The following ADGRB3 variants were observed in gnomAD, a reference collection of about 807,000 sequenced individuals.
ADGRB3 encodes the protein brain-specific angiogenesis inhibitor 3.
ADGRB3 carries 37 observed loss-of-function variants against 193.4 expected under a neutral mutation model. That is an observed-to-expected ratio of 0.19 (90% CI 0.15 to 0.25). ADGRB3 has a LOEUF of 0.25. ADGRB3 is among the 10% of genes least tolerant of loss of function. ADGRB3 has a pLI of 1.00. For synonymous variants in ADGRB3, 690 were observed against 644.2 expected (o/e 1.07, Z -1.08); for missense variants, 1,637 against 1,852.9 (o/e 0.88, Z 2.14).
rs1410939505 is a variant in ADGRB3, at chr6:69,239,198, T to C, written c.2786T>C (p.Leu929Pro). ...LSIISSNILI[L>P]VGQTQTHNKS... ...ATCATCTCATCCAATATCCTCATAC[T>C]GGTTGGACAGACTCAGACACATAAT... Residue 929 changes from leucine (L) to proline (P), a missense_variant, in exon 20 of 32, where the codon CTG becomes CCG. Physicochemically the swap from Leu to Pro is moderately conservative, Grantham distance 98. This residue lies in a region of ADGRB3 where 87 missense variants were observed against 161.0 expected (regional missense o/e 0.54). Coordinates refer to ENST00000370598, the MANE Select transcript of ADGRB3 (RefSeq NM_001704.3). 2 of 1,591,220 alleles carry C rather than the reference T, an allele frequency of 1.3e-6. No individual in the cohort carries two copies. Among genetic ancestry groups the C allele is most frequent in the Admixed American group, 1.7e-5 (1 of 59,812 alleles).
At chr6:68,879,062 C>T (rs750874818) in intron 3 of ADGRB3, among the ~76,000 whole-genome samples, 1 of 152,102 alleles carries the variant, frequency 6.6e-6, no homozygotes, top group African/African-American at 2.4e-5. Context: ...GGTGGGGACA[C>T]AGAGCCAAAC....
chr6:69,286,801 TA>T (rs1487568284), intron 20 of ADGRB3, among the ~76,000 whole-genome samples: 3 of 151,974 alleles, frequency 2.0e-5, no homozygotes, highest in Admixed American at 1.3e-4. Flanking sequence ...TTCCAACTGC[TA>T]AAAAAAATAA....
At chr6:68,856,168 C>A (rs1176755613) in intron 3 of ADGRB3, among the ~76,000 whole-genome samples, 1 of 152,122 alleles carries the variant, frequency 6.6e-6, no homozygotes, top group African/African-American at 2.4e-5. Context: ...TCTCCATTAA[C>A]CCTCTTTCTT....
intron 3 of ADGRB3, among the ~76,000 whole-genome samples, chr6:68,808,046 T>G (rs1253286718): frequency 6.6e-6 from 1 of 152,212 alleles, no homozygotes; most frequent in Non-Finnish European, 1.5e-5. Context: ...TAAAATTAGT[T>G]CAATAGGAAT....
At chr6:69,019,984 G>T (rs535469560) in intron 13 of ADGRB3, among the ~76,000 whole-genome samples, 2 of 152,116 alleles carry the variant, frequency 1.3e-5, no homozygotes, top group South Asian at 4.1e-4. Flanking sequence ...ACAGCTATGA[G>T]TTTTAAGGCA....
intron 3 of ADGRB3, among the ~76,000 whole-genome samples, chr6:68,798,267 G>A (rs1767248220): frequency 6.6e-6 from 1 of 152,114 alleles, no homozygotes; most frequent in South Asian, 2.1e-4. Flanking sequence ...GTATTCATAA[G>A]CCTTCTATGT....
chr6:69,205,297 C>G (rs1765513719), intron 17 of ADGRB3, among the ~76,000 whole-genome samples: 1 of 152,060 alleles, frequency 6.6e-6, no homozygotes, highest in Non-Finnish European at 1.5e-5. Context: ...TTCAAAGCTA[C>G]TCTAAAGAAA....
intron 16 of ADGRB3, among the ~76,000 whole-genome samples, chr6:69,068,754 T>C (rs1464061661): frequency 6.6e-6 from 1 of 152,200 alleles, no homozygotes; most frequent in Non-Finnish European, 1.5e-5. Context: ...TAATGTGGGC[T>C]ACTAACTGTA....
At chr6:68,840,367 G>GTTTTTTTT (rs1768128495) in intron 3 of ADGRB3, among the ~76,000 whole-genome samples, 1 of 75,516 alleles carries the variant, frequency 1.3e-5, no homozygotes, top group African/African-American at 6.5e-5. Flanking sequence ...GCACTGGGCA[G>GTTTTTTTT]TCTTTTTTTT....
chr6:68,796,379 C>G lies in ADGRB3; in HGVS notation c.758-134180C>G, dbSNP rs74366327. Among the ~76,000 whole-genome samples, 112 of 152,188 alleles carry G rather than the reference C, an allele frequency of 7.4e-4. 1 individual carries two copies. The highest frequency in any genetic ancestry group is 1.4e-3 in the Admixed American group (21 of 15,270). On this transcript the variant is annotated intron_variant, in intron 3 of 31. Transcript: ENST00000370598. ...ATTATATGTCTAAACCCTCTTCTAC[C>G]TAACAATTTCTCCATTCTTTCTGAA...
At chr6:68,675,325 G>A (rs1769063517) in intron 3 of ADGRB3, among the ~76,000 whole-genome samples, 1 of 151,940 alleles carries the variant, frequency 6.6e-6, no homozygotes, top group Admixed American at 6.6e-5. Context: ...TTTAAATTCT[G>A]GCCCTAAAGC....
At chr6:68,801,414 G>A (rs1158779409) in intron 3 of ADGRB3, among the ~76,000 whole-genome samples, 1 of 152,070 alleles carries the variant, frequency 6.6e-6, no homozygotes, top group African/African-American at 2.4e-5. Context: ...CAGGCTGGGC[G>A]CAGTGGCTCA....
rs779398957 is a variant in ADGRB3, at chr6:68,774,855, C to CA, written c.757+135432dup. Among the ~76,000 whole-genome samples the CA allele has an allele frequency of 9.3e-3, 1,389 of 149,536 alleles. 12 individuals are homozygous for CA. The highest frequency in any genetic ancestry group is 0.015 in the Non-Finnish European group (1,020 of 67,280). On this transcript the variant is annotated intron_variant, in intron 3 of 31. Transcript: ENST00000370598. ...ATCACAGAAATAAACACATTTCTAG[C>CA]AAAAAAAAATACTCAGGATTCAACA...
At chr6:69,351,101 T>TTTC (rs1292929340) in intron 26 of ADGRB3, among the ~76,000 whole-genome samples, 3 of 147,034 alleles carry the variant, frequency 2.0e-5, no homozygotes, top group South Asian at 2.1e-4. Context: ...GATACTTTTT[T>TTTC]TTTTTTTTTG....
intron 3 of ADGRB3, among the ~76,000 whole-genome samples, chr6:68,918,177 G>A (rs185080186): frequency 3.3e-5 from 5 of 152,238 alleles, no homozygotes; most frequent in Non-Finnish European, 7.4e-5. Context: ...TGATGAAAAA[G>A]TTCATTATAA....
At chr6:69,055,784 T>C (rs1198843323) in intron 15 of ADGRB3, among the ~76,000 whole-genome samples, 1 of 151,856 alleles carries the variant, frequency 6.6e-6, no homozygotes, top group Non-Finnish European at 1.5e-5. Context: ...TGTCAACATT[T>C]GTTATGTTGT....
intron 3 of ADGRB3, among the ~76,000 whole-genome samples, chr6:68,733,657 G>A (rs559937997): frequency 3.1e-3 from 152 of 49,110 alleles, no homozygotes; most frequent in Non-Finnish European, 5.1e-3. Context: ...GAGCTGGGAA[G>A]GCTAGTGGGG....
At chr6:68,951,595 G>A (rs1259550421) in intron 6 of ADGRB3, among the ~76,000 whole-genome samples, 1 of 152,124 alleles carries the variant, frequency 6.6e-6, no homozygotes, top group African/African-American at 2.4e-5. Flanking sequence ...TTACTCCTGT[G>A]TGTGTTACGA....
At chr6:69,022,833 G>GT (rs1770312308) in intron 13 of ADGRB3, among the ~76,000 whole-genome samples, 1 of 151,974 alleles carries the variant, frequency 6.6e-6, no homozygotes, top group Non-Finnish European at 1.5e-5. Flanking sequence ...AAAATGGAGT[G>GT]TATGAGATCT....
Sources: gnomAD v4.1 joint callset for allele counts (sites outside exome capture counted in the v4.1 genomes callset) on GRCh38, gnomAD v4.1.1 for gene constraint, gnomAD v4.1.1 regional missense constraint, MANE v1.5 for transcripts, NCBI Gene and HGNC (gene_info 2026-07-23, HGNC 2026-07-21) for gene names.